The following KDM4C variants were observed in gnomAD, a reference collection of about 807,000 sequenced individuals.
KDM4C encodes the protein lysine-specific demethylase 4C.
In KDM4C, 81 loss-of-function variants were observed where a neutral mutation model predicts 129.3. The observed-to-expected ratio is 0.63, with a 90% CI of 0.52 to 0.75. The LOEUF is 0.75. Ranked by LOEUF, KDM4C falls within the 30% of genes least tolerant of loss-of-function variation. KDM4C has a pLI of 0.00. For missense variants in KDM4C, 1,457 were observed against 1,304.0 expected (o/e 1.12, Z -1.81); for synonymous variants, 573 against 456.1 (o/e 1.26, Z -3.26).
intron 4 of KDM4C, among the ~76,000 whole-genome samples, chr9:6,832,781 G>T (rs1835126001): frequency 6.9e-6 from 1 of 144,986 alleles, no homozygotes; most frequent in Admixed American, 7.1e-5. Context: ...AAGCTAGAGT[G>T]CAATGGTGCA....
At chr9:6,856,584 T>G (rs570706670) in intron 5 of KDM4C, among the ~76,000 whole-genome samples, 3,707 of 103,436 alleles carry the variant, frequency 0.036, 172 homozygotes, top group African/African-American at 0.13. Context: ...GTGTGTGTAT[T>G]TTTTTTTGAG....
intron 4 of KDM4C, among the ~76,000 whole-genome samples, chr9:6,828,361 C>G (rs915267075): frequency 5.9e-5 from 9 of 151,944 alleles, no homozygotes; most frequent in Non-Finnish European, 1.0e-4. Context: ...GTCAGACAGG[C>G]TGGTCTCAAT....
At chr9:6,835,005 A>T (rs555533799) in intron 4 of KDM4C, 2 of 948,172 alleles carry the variant, frequency 2.1e-6, no homozygotes, top group East Asian at 4.8e-5. Flanking sequence ...GCTGGCCGGG[A>T]CCTGACTACC....
chr9:7,088,038 A>G (rs184329576), intron 17 of KDM4C, among the ~76,000 whole-genome samples: 34 of 152,312 alleles, frequency 2.2e-4, no homozygotes, highest in Admixed American at 7.2e-4. Flanking sequence ...TCCCACTTAG[A>G]TCTATGAATC....
chr9:6,806,177 A>G (rs1359079940), intron 3 of KDM4C, among the ~76,000 whole-genome samples: 2 of 152,126 alleles, frequency 1.3e-5, no homozygotes, highest in Non-Finnish European at 2.9e-5. Context: ...CCATTGCATT[A>G]GTTATTTATT....
chr9:7,058,362 G>C (rs1366378719), intron 17 of KDM4C, among the ~76,000 whole-genome samples: 1 of 152,176 alleles, frequency 6.6e-6, no homozygotes, highest in East Asian at 1.9e-4. Flanking sequence ...CAGTAAATAA[G>C]AAGCAGCTCT....
chr9:6,898,319 C>A (rs1816789213), intron 8 of KDM4C, among the ~76,000 whole-genome samples: 1 of 152,098 alleles, frequency 6.6e-6, no homozygotes, highest in African/African-American at 2.4e-5. Context: ...AAAAAAGAAT[C>A]ATTGTCTTGG....
intron 1 of KDM4C, among the ~76,000 whole-genome samples, chr9:6,750,939 G>A (rs937983451): frequency 1.2e-4 from 19 of 152,168 alleles, no homozygotes; most frequent in Non-Finnish European, 2.8e-4. Flanking sequence ...TTACCCATCT[G>A]GCAGCTGGTG....
chr9:6,855,024 C>T (rs955345906), intron 5 of KDM4C, among the ~76,000 whole-genome samples: 15 of 152,196 alleles, frequency 9.9e-5, no homozygotes, highest in African/African-American at 3.6e-4. Context: ...GTACAAAGTA[C>T]ATATCACAGC....
chr9:7,032,650 G>C (rs1235986882), intron 15 of KDM4C, among the ~76,000 whole-genome samples: 1 of 152,204 alleles, frequency 6.6e-6, no homozygotes, highest in African/African-American at 2.4e-5. Context: ...GAGGGTGTTA[G>C]AGTTGTGATT....
chr9:7,109,511 A>G (rs1035986456), intron 18 of KDM4C, among the ~76,000 whole-genome samples: 25 of 152,242 alleles, frequency 1.6e-4, no homozygotes, highest in Non-Finnish European at 3.4e-4. Flanking sequence ...GGCCAGAATT[A>G]CATTTCAGCA....
At chr9:6,873,941 C>CAA (rs1554620114) in intron 5 of KDM4C, among the ~76,000 whole-genome samples, 4 of 132,080 alleles carry the variant, frequency 3.0e-5, no homozygotes, top group African/African-American at 1.2e-4. Flanking sequence ...TGAGAGAGAG[C>CAA]GAGAGAGAGA....
intron 1 of KDM4C, among the ~76,000 whole-genome samples, chr9:6,791,501 T>C (rs1479197270): frequency 6.6e-6 from 1 of 152,206 alleles, no homozygotes; most frequent in African/African-American, 2.4e-5. Flanking sequence ...CGTCATTCTT[T>C]TCCGTGTTTT....
chr9:7,068,065 G>T (rs1035889381), intron 17 of KDM4C, among the ~76,000 whole-genome samples: 1 of 152,046 alleles, frequency 6.6e-6, no homozygotes, highest in Non-Finnish European at 1.5e-5. Context: ...CAAAGTGCTG[G>T]GATTACAGGC....
intron 15 of KDM4C, among the ~76,000 whole-genome samples, chr9:7,021,177 G>A (rs1175020): frequency 0.28 from 42,570 of 149,400 alleles, 7,958 homozygotes; most frequent in Middle Eastern, 0.47. Context: ...TTTGAGATGG[G>A]GTCTTGCTCT....
rs540942997 is a variant in KDM4C, at chr9:7,120,566, C to T, written c.2611-7500C>T. ...GACCTGATTAGTTTTTTTCTTAATACAGCCCCAAACCTGAGAATGAAATTA... is the reference window on the plus strand; with the variant it reads ...GACCTGATTAGTTTTTTTCTTAATATAGCCCCAAACCTGAGAATGAAATTA... On this transcript the variant is annotated intron_variant, in intron 18 of 21. Coordinates refer to ENST00000381309, the MANE Select transcript of KDM4C (RefSeq NM_015061.6). Among the ~76,000 whole-genome samples the T allele has an allele frequency of 9.2e-5, 14 of 152,252 alleles. No homozygotes were observed. In the East Asian group the frequency reaches 2.5e-3, roughly 27 times the overall value.
chr9:6,933,314 C>G (rs1457586325), intron 8 of KDM4C, among the ~76,000 whole-genome samples: 1 of 152,058 alleles, frequency 6.6e-6, no homozygotes, highest in South Asian at 2.1e-4. Flanking sequence ...CATATTATGC[C>G]TAAGGGAAAG....
intron 4 of KDM4C, among the ~76,000 whole-genome samples, chr9:6,843,377 T>C (rs979197532): frequency 6.6e-6 from 1 of 152,248 alleles, no homozygotes; most frequent in African/African-American, 2.4e-5. Context: ...TTTCAAAATA[T>C]TTTCACTTGT....
intron 19 of KDM4C, among the ~76,000 whole-genome samples, chr9:7,134,977 T>C (rs150787849): frequency 6.4e-4 from 97 of 152,362 alleles, no homozygotes; most frequent in Middle Eastern, 3.4e-3. Flanking sequence ...TCCCAGGTCC[T>C]AGAATTTTAT....
Sources: allele counts gnomAD v4.1 joint callset (sites outside exome capture counted in the v4.1 genomes callset), GRCh38; gene constraint gnomAD v4.1.1; transcripts MANE v1.5; gene names NCBI Gene and HGNC (gene_info 2026-07-23, HGNC 2026-07-21).